The following FEN1 variants were observed in gnomAD, a reference collection of about 807,000 sequenced individuals.
FEN1 encodes the protein flap structure-specific endonuclease 1.
In FEN1, 19 loss-of-function variants were observed where a neutral mutation model predicts 24.7. The ratio of observed to expected loss-of-function variants is 0.77; its 90% CI spans 0.54 to 1.13. The LOEUF is 1.13. FEN1 is among the 50% of genes most tolerant of loss of function. The probability of loss-of-function intolerance (pLI) is 0.00; values close to 1 mark genes in which losing one functional copy is unlikely to be tolerated. For missense variants in FEN1, 339 were observed against 488.7 expected, an observed-to-expected ratio of 0.69 and a Z score of 2.89; for synonymous variants, 155 against 189.2, an observed-to-expected ratio of 0.82 and a Z score of 1.48.
chr11:61,796,347 G>C lies in FEN1; in HGVS notation c.986G>C (p.Ser329Thr). The part of the protein sequence containing the change: ...ERIRSGVKRL[S>T]KSRQGSTQGR... ...ATCCGCAGTGGGGTCAAGAGGCTGA[G>C]TAAGAGCCGCCAAGGCAGCACCCAG... Residue 329 changes from serine to threonine, a missense_variant, in exon 2 of 2, where the codon AGT (serine) becomes ACT (threonine). Physicochemically the swap from Ser to Thr is moderately conservative, Grantham distance 58. Around this residue, in one of 3 missense-constraint regions of FEN1, gnomAD observed 53 missense variants for 94.1 expected, o/e 0.56. Transcript: ENST00000305885. The C allele has an allele frequency of 6.2e-7, 1 of 1,613,574 alleles. No individual in the cohort carries two copies. The highest frequency in any genetic ancestry group is 8.5e-7 in the Non-Finnish European group (1 of 1,180,046).
chr11:61,795,836 G>A lies in FEN1; in HGVS notation c.475G>A (p.Ala159Thr), dbSNP rs778852873. 7 of 1,613,836 alleles carry A rather than the reference G, an allele frequency of 4.3e-6. No individual in the cohort carries two copies. Among genetic ancestry groups the A allele is most frequent in the Non-Finnish European group, 5.9e-6 (7 of 1,180,030 alleles). Residue 159 changes from alanine to threonine, a missense_variant, in exon 2 of 2, where the codon GCA becomes ACA. Physicochemically the swap from Ala to Thr is moderately conservative, Grantham distance 58. Transcript: ENST00000305885. The surrounding 1 kb of genome is among the most constrained non-coding windows in gnomAD (Gnocchi z 4.1). The stretch of plus-strand genomic sequence containing the variant: ...CCCTTATCTTGATGCACCCAGTGAG[G>A]CAGAGGCCAGCTGTGCTGCCCTGGT... ...GIPYLDAPSE[A>T]EASCAALVKA...
chr11:61,794,683 G>A (rs2066810009), intron 1 of FEN1, among the ~76,000 whole-genome samples: 1 of 152,200 alleles, frequency 6.6e-6, no homozygotes. Context: ...CCTAAATCAG[G>A]ACCTGGGGAG....
Position 61,796,219 on chromosome 11 carries a change from T to C in FEN1, c.858T>C (p.Pro286=). 5.6e-6 allele frequency: 9 copies of C among 1,612,978 alleles called. No homozygotes were observed. Among genetic ancestry groups the C allele is most frequent in the Non-Finnish European group, 7.6e-6 (9 of 1,180,038 alleles). The change falls in exon 2 of 2, where the codon CCT becomes CCC. Residue 286 remains proline (P), a synonymous_variant. Coordinates refer to ENST00000305885, the MANE Select transcript of FEN1 (RefSeq NM_004111.6). ...HKEAHQLFLE[P]EVLDPESVEL... Reference sequence around the variant, plus strand: ...AGGCTCACCAGCTCTTCTTGGAACCTGAGGTGCTGGACCCAGAGTCTGTGG... The same window carrying C: ...AGGCTCACCAGCTCTTCTTGGAACCCGAGGTGCTGGACCCAGAGTCTGTGG...
chr11:61,794,608 C>T (rs1014025237), intron 1 of FEN1, among the ~76,000 whole-genome samples: 23 of 152,122 alleles, frequency 1.5e-4, no homozygotes, highest in African/African-American at 4.8e-4. Flanking sequence ...ACACTGCTAT[C>T]TGGGAAACAC....
Position 61,796,621 on chromosome 11 carries a change from G to A in FEN1, c.*117G>A, listed in dbSNP as rs1159792299. 11 of 1,172,562 alleles carry A rather than the reference G, an allele frequency of 9.4e-6. No homozygotes were observed. Among genetic ancestry groups the A allele is most frequent in the South Asian group, 6.6e-5 (4 of 60,714 alleles). The allele number at this position is 1,172,562 out of a possible 1,614,324, so 72.6% of individuals were successfully genotyped here. A position where few individuals can be genotyped will look rare whatever the true frequency, so the allele number is the denominator to read the frequency against. On this transcript the variant is annotated 3_prime_UTR_variant, in exon 2 of 2. Transcript: ENST00000305885. ...GAGAGGATTCTAAGGCTTTTCTAGC[G>A]TGACCCTTTTCAGTAGTGCTAGTCC...
Position 61,796,311 on chromosome 11 carries a change from C to G in FEN1, c.950C>G (p.Ser317Cys), listed in dbSNP as rs1268047337. Residue 317 changes from serine (S) to cysteine (C), a missense_variant, in exon 2 of 2, where the codon TCT (serine) becomes TGT (cysteine). Around this residue, in one of 3 missense-constraint regions of FEN1, gnomAD observed 53 missense variants for 94.1 expected, o/e 0.56. Transcript: ENST00000305885. Reference protein sequence around the residue: ...IKFMCGEKQFSEERIRSGVKR... With the variant: ...IKFMCGEKQFCEERIRSGVKR... ...TTCATGTGTGGTGAAAAGCAGTTCT[C>G]TGAGGAGCGAATCCGCAGTGGGGTC... 1 of 1,612,944 alleles carries G rather than the reference C, an allele frequency of 6.2e-7. No individual in the cohort carries two copies. The highest frequency in any genetic ancestry group is 2.2e-5 in the East Asian group (1 of 44,896).
rs2066817710 is a variant in FEN1, at chr11:61,796,100, G to A, written c.739G>A (p.Val247Met). 1 of 1,614,222 alleles carries A rather than the reference G, an allele frequency of 6.2e-7. No individual in the cohort carries two copies. Among genetic ancestry groups the A allele is most frequent in the Admixed American group, 1.7e-5 (1 of 60,026 alleles). The change falls in exon 2 of 2, where the codon GTG (valine) becomes ATG (methionine). Residue 247 changes from valine to methionine, a missense_variant. Transcript: ENST00000305885. ...SIRGIGPKRA[V>M]DLIQKHKSIE... is the part of the protein sequence containing the mutation. ...CCGGGGTATTGGGCCCAAGCGGGCT[G>A]TGGACCTCATCCAGAAGCACAAGAG...
In FEN1 at chr11:61,795,099, T is replaced by A. The variant is rs1465746476; in HGVS notation, c.-21-242T>A. ...CTGCTACCTTAGAATATCAACAGTATCTTATTTCTCTAAGCACGTGGTTCA... is the reference window on the plus strand; with the variant it reads ...CTGCTACCTTAGAATATCAACAGTAACTTATTTCTCTAAGCACGTGGTTCA... On this transcript the variant is annotated intron_variant, in intron 1 of 1. Transcript: ENST00000305885. This position sits in a 1 kb window ranked among gnomAD's most constrained non-coding sequence, Gnocchi z 4.1. Among the ~76,000 whole-genome samples the A allele has an allele frequency of 6.6e-6, 1 of 152,178 alleles. No homozygotes were observed. Among genetic ancestry groups the A allele is most frequent in the Middle Eastern group, 3.2e-3 (1 of 316 alleles).
Position 61,796,462 on chromosome 11 carries a change from G to A in FEN1, c.1101G>A (p.Lys367=), listed in dbSNP as rs1304773218. ...AACCCAAGGGATCCACTAAGAAGAA[G>A]GCAAAGACTGGGGCAGCAGGGAAGT... The part of the protein sequence containing the change: ...EPEPKGSTKK[K]AKTGAAGKFK... Residue 367 remains lysine (K), a synonymous_variant, in exon 2 of 2, where the codon AAG becomes AAA. Transcript: ENST00000305885. 1 of 1,611,968 alleles carries A rather than the reference G, an allele frequency of 6.2e-7. No individual in the cohort carries two copies. The highest frequency in any genetic ancestry group is 1.3e-5 in the African/African-American group (1 of 74,868).
intron 1 of FEN1, among the ~76,000 whole-genome samples, chr11:61,793,654 A>G (rs2135928543): frequency 6.6e-6 from 1 of 152,320 alleles, no homozygotes; most frequent in African/African-American, 2.4e-5. Context: ...TTGTCAATTA[A>G]TTATTAATTG....
rs766363896 is a variant in FEN1, at chr11:61,796,441, C to T, written c.1080C>T (p.Pro360=). The T allele has an allele frequency of 9.9e-6, 16 of 1,613,050 alleles. No homozygotes were observed. Among genetic ancestry groups the T allele is most frequent in the Non-Finnish European group, 1.2e-5 (14 of 1,179,978 alleles). The change falls in exon 2 of 2, where the codon CCC becomes CCT. Residue 360 remains proline (P), a synonymous_variant. Coordinates refer to ENST00000305885, the MANE Select transcript of FEN1 (RefSeq NM_004111.6). ...LSSAKRKEPE[P]KGSTKKKAKT... is the part of the protein sequence containing the mutation. Reference sequence around the variant, plus strand: ...CAGCTAAGCGCAAGGAGCCAGAACCCAAGGGATCCACTAAGAAGAAGGCAA... The same window carrying T: ...CAGCTAAGCGCAAGGAGCCAGAACCTAAGGGATCCACTAAGAAGAAGGCAA...
rs2066815258 is a variant in FEN1, at chr11:61,795,647, G to A, written c.286G>A (p.Glu96Lys). Residue 96 changes from glutamate to lysine, a missense_variant, in exon 2 of 2, where the codon GAG (glutamate) becomes AAG (lysine). By Grantham distance (56) the Glu-to-Lys change is moderately conservative. Transcript: ENST00000305885. The surrounding 1 kb of genome is among the most constrained non-coding windows in gnomAD (Gnocchi z 4.1). ...CAAGCCGCCACAGCTCAAGTCAGGC[G>A]AGCTGGCCAAACGCAGTGAGCGGCG... ...DGKPPQLKSGELAKRSERRAE... is the reference protein window; with the variant it reads ...DGKPPQLKSGKLAKRSERRAE... 4 of 1,613,944 alleles carry A rather than the reference G, an allele frequency of 2.5e-6. No individual in the cohort carries two copies. The highest frequency in any genetic ancestry group is 2.2e-5 in the East Asian group (1 of 44,898).
At position 61,796,855 on chromosome 11, in the gene FEN1, G is replaced by C; in HGVS notation, c.*351G>C. On this transcript the variant is annotated 3_prime_UTR_variant, in exon 2 of 2. Coordinates refer to ENST00000305885, the MANE Select transcript of FEN1 (RefSeq NM_004111.6). ...AAAAGATGTACAGAAATGATTTCCT[G>C]GCTGGCCAACTGGTGGCCAGTGGGA... 3.8e-6 allele frequency: 1 copy of C among 261,586 alleles called. No homozygotes were observed. Among genetic ancestry groups the C allele is most frequent in the Non-Finnish European group, 8.0e-6 (1 of 124,858 alleles). 16.2% of individuals were successfully genotyped at this position (261,586 alleles called of 1,614,324 possible). A position where few individuals can be genotyped will look rare whatever the true frequency, so the allele number is the denominator to read the frequency against.
rs1449263241 is a variant in FEN1 at position 61,796,777 on chromosome 11, TGATA to T, written c.*279_*282del. 6 of 423,342 alleles carry T rather than the reference TGATA, an allele frequency of 1.4e-5. No individual in the cohort carries two copies. The highest frequency in any genetic ancestry group is 3.5e-5 in the South Asian group (1 of 28,766). The allele number at this position is 423,342 out of a possible 1,614,324, so 26.2% of individuals were successfully genotyped here. The stretch of plus-strand genomic sequence containing the variant: ...CACTAAGTCCATTGTTACATGAAAG[TGATA>T]GATAGCAACAAGTTTTGGAGAAGAG... On this transcript the variant is annotated 3_prime_UTR_variant, in exon 2 of 2. Transcript: ENST00000305885.
rs2066812459 is a variant in FEN1 at position 61,795,246 on chromosome 11, T to G, written c.-21-95T>G. On this transcript the variant is annotated intron_variant, in intron 1 of 1. Coordinates refer to ENST00000305885, the MANE Select transcript of FEN1 (RefSeq NM_004111.6). This position sits in a 1 kb window ranked among gnomAD's most constrained non-coding sequence, Gnocchi z 4.1. ...AGTGCTGACATGGTGTCCTTTTTGT[T>G]GTGTGGAATTTAGTTGAAGGCATGA... The G allele has an allele frequency of 1.9e-6, 2 of 1,031,554 alleles. No homozygotes were observed. The highest frequency in any genetic ancestry group is 3.4e-5 in the South Asian group (2 of 58,658). The allele number at this position is 1,031,554 out of a possible 1,614,324, so 63.9% of individuals were successfully genotyped here. A position where few individuals can be genotyped will look rare whatever the true frequency, so the allele number is the denominator to read the frequency against.
Position 61,795,350 on chromosome 11 carries a change from C to T in FEN1, c.-12C>T. ...TGCCTTTCTTTTTTAGTCATCCCTCCTCTGTGTTGCCATGGGAATTCAAGG... is the reference window on the plus strand; with the variant it reads ...TGCCTTTCTTTTTTAGTCATCCCTCTTCTGTGTTGCCATGGGAATTCAAGG... On this transcript the variant is annotated 5_prime_UTR_variant, in exon 2 of 2. Transcript: ENST00000305885. This position sits in a 1 kb window ranked among gnomAD's most constrained non-coding sequence, Gnocchi z 4.1. 2 of 1,584,092 alleles carry T rather than the reference C, an allele frequency of 1.3e-6. No individual in the cohort carries two copies. Among genetic ancestry groups the T allele is most frequent in the Non-Finnish European group, 1.7e-6 (2 of 1,161,728 alleles).
At position 61,796,076 on chromosome 11, in the gene FEN1, C is replaced by T. The variant is rs1460589167; in HGVS notation, c.715C>T (p.Arg239Trp). 1.8e-5 allele frequency: 29 copies of T among 1,614,022 alleles called. No individual in the cohort carries two copies. The highest frequency in any genetic ancestry group is 2.4e-5 in the Non-Finnish European group (28 of 1,180,036). ...LLGSDYCESI[R>W]GIGPKRAVDL... ...AGGCAGTGACTACTGTGAGAGTATCCGGGGTATTGGGCCCAAGCGGGCTGT... is the reference window on the plus strand; with the variant it reads ...AGGCAGTGACTACTGTGAGAGTATCTGGGGTATTGGGCCCAAGCGGGCTGT... The change falls in exon 2 of 2, where the codon CGG (arginine) becomes TGG (tryptophan). Residue 239 changes from arginine to tryptophan, a missense_variant. By Grantham distance (101) the Arg-to-Trp change is moderately radical. Coordinates refer to ENST00000305885, the MANE Select transcript of FEN1 (RefSeq NM_004111.6).
rs529767500 is a variant in FEN1 at position 61,795,784 on chromosome 11, C to T, written c.423C>T (p.Cys141=). Reference sequence around the variant, plus strand: ...TCACTAAGCAGCACAATGATGAGTGCAAACATCTGCTGAGCCTCATGGGCA... The same window carrying T: ...TCACTAAGCAGCACAATGATGAGTGTAAACATCTGCTGAGCCTCATGGGCA... ...VKVTKQHNDE[C]KHLLSLMGIP... is the part of the protein sequence containing the mutation. The change falls in exon 2 of 2, where the codon TGC becomes TGT. Residue 141 remains cysteine (C), a synonymous_variant. Transcript: ENST00000305885. This position sits in a 1 kb window ranked among gnomAD's most constrained non-coding sequence, Gnocchi z 4.1. 9 of 1,613,876 alleles carry T rather than the reference C, an allele frequency of 5.6e-6. No homozygotes were observed. The highest frequency in any genetic ancestry group is 7.6e-6 in the Non-Finnish European group (9 of 1,180,054).
Position 61,796,615 on chromosome 11 carries a change from T to C in FEN1, c.*111T>C, listed in dbSNP as rs2066822071. The C allele has an allele frequency of 1.6e-6, 2 of 1,229,120 alleles. No homozygotes were observed. Among genetic ancestry groups the C allele is most frequent in the Admixed American group, 2.9e-5 (1 of 34,866 alleles). The allele number at this position is 1,229,120 out of a possible 1,614,324, so 76.1% of individuals were successfully genotyped here. A position where few individuals can be genotyped will look rare whatever the true frequency, so the allele number is the denominator to read the frequency against. On this transcript the variant is annotated 3_prime_UTR_variant, in exon 2 of 2. Transcript: ENST00000305885. Reference sequence around the variant, plus strand: ...GGTGGAGAGAGGATTCTAAGGCTTTTCTAGCGTGACCCTTTTCAGTAGTGC... The same window carrying C: ...GGTGGAGAGAGGATTCTAAGGCTTTCCTAGCGTGACCCTTTTCAGTAGTGC...
Sources: allele counts gnomAD v4.1 joint callset (sites outside exome capture counted in the v4.1 genomes callset), GRCh38; gene constraint gnomAD v4.1.1; regional missense constraint gnomAD v4.1.1; non-coding constraint Gnocchi (gnomAD v3.1); transcripts MANE v1.5; gene names NCBI Gene and HGNC (gene_info 2026-07-23, HGNC 2026-07-21).